ARHGAP19: variants seen among roughly 807,000 people sequenced by gnomAD.
The protein encoded by ARHGAP19 is Rho GTPase activating protein 19.
Under a neutral mutation model 60.9 loss-of-function variants are expected in ARHGAP19, and 48 were observed. That is an observed-to-expected ratio of 0.79 (90% CI 0.62 to 1.00). The LOEUF is 1.00. Ranked by LOEUF, ARHGAP19 falls within the 50% of genes least tolerant of loss-of-function variation. ARHGAP19 has a pLI of 0.00. For missense variants in ARHGAP19, 562 were observed against 597.2 expected (o/e 0.94, Z 0.61); for synonymous variants, 209 against 215.5 (o/e 0.97, Z 0.27).
chr10:97,241,223 G>A (rs567531280), intron 8 of ARHGAP19, among the ~76,000 whole-genome samples: 1 of 152,152 alleles, frequency 6.6e-6, no homozygotes, highest in African/African-American at 2.4e-5. Context: ...CTCGGGGGAG[G>A]CTGAAGCAGG....
At chr10:97,266,806 T>C (rs1181858443) in intron 1 of ARHGAP19, among the ~76,000 whole-genome samples, 1 of 152,116 alleles carries the variant, frequency 6.6e-6, no homozygotes, top group African/African-American at 2.4e-5. Flanking sequence ...ATGAGACTTA[T>C]TCACGCAGGG....
At chr10:97,248,964 G>A (rs1009903077) in intron 6 of ARHGAP19, among the ~76,000 whole-genome samples, 1 of 152,064 alleles carries the variant, frequency 6.6e-6, no homozygotes, top group Admixed American at 6.6e-5. Context: ...CCACAGGAGT[G>A]TGCCATCACG....
intron 1 of ARHGAP19, among the ~76,000 whole-genome samples, chr10:97,273,165 CTTTT>C (rs200631403): frequency 6.7e-6 from 1 of 150,060 alleles, no homozygotes; most frequent in Non-Finnish European, 1.5e-5. Context: ...TCATTAGTTT[CTTTT>C]TTTTTCTCTT....
intron 5 of ARHGAP19, among the ~76,000 whole-genome samples, chr10:97,259,015 A>G (rs539944791): frequency 1.3e-5 from 2 of 152,342 alleles, no homozygotes; most frequent in East Asian, 3.9e-4. Context: ...ACATTATCCC[A>G]TAAGATCACA....
chr10:97,239,588 G>GTGTGTA, intron 8 of ARHGAP19, among the ~76,000 whole-genome samples: 1 of 132,762 alleles, frequency 7.5e-6, no homozygotes, highest in African/African-American at 2.5e-5. Flanking sequence ...GTGTGTGTGT[G>GTGTGTA]TGTGTGTGTG....
At chr10:97,265,776 A>C in intron 2 of ARHGAP19, 84 bp downstream of exon 2, 1 of 1,525,020 alleles carries the variant, frequency 6.6e-7, no homozygotes, top group South Asian at 1.3e-5. Flanking sequence ...GTTAATAGCA[A>C]CTCTTCGGTG....
chr10:97,251,344 G>C (rs1365749407), intron 6 of ARHGAP19, among the ~76,000 whole-genome samples: 1 of 49,356 alleles, frequency 2.0e-5, no homozygotes, highest in African/African-American at 9.6e-5. Context: ...GAAAGGAAGG[G>C]GGAGGGAAAG....
At chr10:97,265,037 T>A in intron 2 of ARHGAP19, 131 bp from the exon 3 acceptor site, 2 of 678,140 alleles carry the variant, frequency 2.9e-6, no homozygotes, top group South Asian at 3.8e-5. Flanking sequence ...ACAAAAACCT[T>A]AGAACTGGAA....
intron 1 of ARHGAP19, among the ~76,000 whole-genome samples, chr10:97,280,374 A>G (rs1843068292): frequency 6.6e-6 from 1 of 152,100 alleles, no homozygotes; most frequent in Non-Finnish European, 1.5e-5. Flanking sequence ...ACACCACTGC[A>G]CTCCAGCCAA....
In ARHGAP19 at chr10:97,292,598, C is replaced by G; in HGVS notation, c.30G>C (p.Glu10Asp). ...TCCGGCCGGATTCGCGGGCTGGCAC[C>G]TCCCCTTCACTCTGTGCCTCAGTCG... MATEAQSEGEVPARESGRSD... is the reference protein window; with the variant it reads MATEAQSEGDVPARESGRSD... Residue 10 changes from glutamate (E) to aspartate (D), a missense_variant, in exon 1 of 12, where the codon GAG (glutamate) becomes GAC (aspartate). Glu to Asp is a conservative substitution (Grantham distance 45). Transcript: ENST00000358531. 6.2e-7 allele frequency: 1 copy of G among 1,614,220 alleles called. No individual in the cohort carries two copies. Among genetic ancestry groups the G allele is most frequent in the South Asian group, 1.1e-5 (1 of 91,088 alleles).
At chr10:97,282,555 T>C (rs1362285417) in intron 1 of ARHGAP19, among the ~76,000 whole-genome samples, 2 of 140,018 alleles carry the variant, frequency 1.4e-5, no homozygotes, top group Non-Finnish European at 3.3e-5. Context: ...GTAAGTCTGT[T>C]TGTCCCAGTA....
intron 1 of ARHGAP19, among the ~76,000 whole-genome samples, chr10:97,291,110 C>G (rs1480767041): frequency 5.3e-5 from 8 of 152,110 alleles, no homozygotes; most frequent in Non-Finnish European, 7.3e-5. Flanking sequence ...AAAGAAATAG[C>G]CAATCATCTC....
intron 1 of ARHGAP19, among the ~76,000 whole-genome samples, chr10:97,288,809 C>CCTTT (rs1554868371): frequency 1.7e-5 from 2 of 120,004 alleles, no homozygotes; most frequent in African/African-American, 7.0e-5. Context: ...AACTTCTCTC[C>CCTTT]TTTTTTTTTT....
At chr10:97,230,299 C>T (rs967090535) in intron 9 of ARHGAP19, among the ~76,000 whole-genome samples, 1 of 152,314 alleles carries the variant, frequency 6.6e-6, no homozygotes, top group African/African-American at 2.4e-5. Flanking sequence ...CTGAGGGATA[C>T]TTAGGCTGGC....
At chr10:97,257,057 C>T (rs1842764303) in intron 5 of ARHGAP19, among the ~76,000 whole-genome samples, 1 of 152,000 alleles carries the variant, frequency 6.6e-6, no homozygotes, top group African/African-American at 2.4e-5. Context: ...GGAGGCAGAG[C>T]TTGCAGTGAG....
At chr10:97,269,966 G>A (rs1842941322) in intron 1 of ARHGAP19, among the ~76,000 whole-genome samples, 1 of 152,106 alleles carries the variant, frequency 6.6e-6, no homozygotes, top group African/African-American at 2.4e-5. Flanking sequence ...GAAACTAGAA[G>A]CAACATGTAT....
intron 8 of ARHGAP19, 21 bp from the exon 9 acceptor site, chr10:97,235,336 C>A: frequency 6.4e-7 from 1 of 1,567,206 alleles, no homozygotes; most frequent in Admixed American, 1.7e-5. Context: ...ACATGGAGAA[C>A]ATTTTATAAA....
At chr10:97,281,496 A>G (rs142627623) in intron 1 of ARHGAP19, among the ~76,000 whole-genome samples, 255 of 152,344 alleles carry the variant, frequency 1.7e-3, no homozygotes, top group African/African-American at 4.0e-3. Context: ...CCAACATAAG[A>G]AGGTGAATTG....
intron 8 of ARHGAP19, among the ~76,000 whole-genome samples, chr10:97,242,513 G>T (rs1172941650): frequency 7.1e-6 from 1 of 141,512 alleles, no homozygotes. Context: ...TTTTTGTTTT[G>T]TTTTGTTTTG....
Sources: allele counts gnomAD v4.1 joint callset (sites outside exome capture counted in the v4.1 genomes callset), GRCh38; gene constraint gnomAD v4.1.1; transcripts MANE v1.5; gene names NCBI Gene and HGNC (gene_info 2026-07-23, HGNC 2026-07-21).